DGKI: variants seen among roughly 807,000 people sequenced by gnomAD.
DGKI encodes the protein diacylglycerol kinase iota.
DGKI carries 55 observed loss-of-function variants against 147.5 expected under a neutral mutation model. That is an observed-to-expected ratio of 0.37 (90% CI 0.30 to 0.47). The LOEUF (loss-of-function observed/expected upper bound fraction) is 0.47, where lower values mean the gene tolerates loss of function less well. Among genes scored for constraint, DGKI ranks in the 20% least tolerant of loss-of-function variants. The pLI, the probability that DGKI is intolerant of heterozygous loss-of-function variation, is 1.00. For missense variants in DGKI, 1,007 were observed against 1,323.8 expected, an observed-to-expected ratio of 0.76 and a Z score of 3.71; for synonymous variants, 469 against 477.1, an observed-to-expected ratio of 0.98 and a Z score of 0.22.
intron 1 of DGKI, among the ~76,000 whole-genome samples, chr7:137,724,837 T>C (rs1383045754): frequency 1.3e-5 from 2 of 152,180 alleles, no homozygotes; most frequent in Non-Finnish European, 2.9e-5. Flanking sequence ...ATAAATGGTA[T>C]ATAAAGTTAC....
Position 137,655,485 on chromosome 7 carries a change from A to C in DGKI, c.682-697T>G, listed in dbSNP as rs938480670. Among the ~76,000 whole-genome samples, 3 of 152,150 alleles carry C rather than the reference A, an allele frequency of 2.0e-5. No individual in the cohort carries two copies. The South Asian group carries it at 6.2e-4, about 31-fold the overall frequency. On this transcript the variant is annotated intron_variant, in intron 4 of 32. Coordinates refer to ENST00000614521, the MANE Select transcript of DGKI (RefSeq NM_001321708.2). ...AGTGCTGGGATTACAGGCATGAGCC[A>C]CCACACCCAGCCCAGAGTTATTCTT...
At chr7:137,402,153 T>C (rs1811784005) in intron 30 of DGKI, among the ~76,000 whole-genome samples, 1 of 152,232 alleles carries the variant, frequency 6.6e-6, no homozygotes, top group Non-Finnish European at 1.5e-5. Context: ...TTAGCAGTGA[T>C]TGTTACAGAA....
intron 5 of DGKI, among the ~76,000 whole-genome samples, chr7:137,649,123 T>C (rs954171921): frequency 6.6e-6 from 1 of 152,172 alleles, no homozygotes; most frequent in African/African-American, 2.4e-5. Context: ...AAAGCAAACA[T>C]CCAATATATG....
intron 28 of DGKI, among the ~76,000 whole-genome samples, chr7:137,424,832 G>C (rs934893199): frequency 3.3e-5 from 5 of 152,212 alleles, no homozygotes; most frequent in South Asian, 2.1e-4. Flanking sequence ...AGCGAGACTG[G>C]GGGAGGGGCA....
intron 28 of DGKI, among the ~76,000 whole-genome samples, chr7:137,417,146 C>G (rs1180872596): frequency 6.6e-6 from 1 of 152,132 alleles, no homozygotes; most frequent in Non-Finnish European, 1.5e-5. Flanking sequence ...TTCTTAAGCT[C>G]TGAGCTTGTC....
chr7:137,790,099 C>T (rs1377156001), intron 1 of DGKI, among the ~76,000 whole-genome samples: 1 of 152,142 alleles, frequency 6.6e-6, no homozygotes, highest in Admixed American at 6.5e-5. Context: ...ACAGATAATA[C>T]ATAAATGAAT....
chr7:137,384,453 T>C lies in DGKI; in HGVS notation c.*6767A>G, dbSNP rs372348162. ...ATTATGGAAATCTGAACAATTGATA[T>C]AAAACATCCTTGAAGGCAATGATGG... On this transcript the variant is annotated 3_prime_UTR_variant, in exon 33 of 33. Coordinates refer to ENST00000614521, the MANE Select transcript of DGKI (RefSeq NM_001321708.2). 1 of 151,882 alleles carries C rather than the reference T, an allele frequency of 6.6e-6. No individual in the cohort carries two copies. The highest frequency in any genetic ancestry group is 1.9e-4 in the East Asian group (1 of 5,176). The allele number at this position is 151,882 out of a possible 1,614,324, so 9.4% of individuals were successfully genotyped here.
chr7:137,741,794 A>T (rs1323839404), intron 1 of DGKI, among the ~76,000 whole-genome samples: 1 of 152,214 alleles, frequency 6.6e-6, no homozygotes, highest in Non-Finnish European at 1.5e-5. Context: ...AATGTGCAAC[A>T]GTGGGTGATC....
rs1178195228 is a variant in DGKI at position 137,638,516 on chromosome 7, GTA to G, written c.804+6954_804+6955del. Among the ~76,000 whole-genome samples the G allele has an allele frequency of 5.9e-4, 61 of 104,126 alleles. 2 individuals carry two copies. Among genetic ancestry groups the G allele is most frequent in the African/African-American group, 3.0e-3 (57 of 19,270 alleles). The allele number at this position is 104,126 out of a possible 152,430, so 68.3% of individuals were successfully genotyped here. ...CACATATATATGTATATATATGTGT[GTA>G]TATATATACACACACATATATGTAT... is the stretch of plus-strand genomic sequence containing the variant. On this transcript the variant is annotated intron_variant, in intron 6 of 32. Coordinates refer to ENST00000614521, the MANE Select transcript of DGKI (RefSeq NM_001321708.2).
chr7:137,628,558 A>T (rs1821021973), intron 6 of DGKI, among the ~76,000 whole-genome samples: 1 of 152,160 alleles, frequency 6.6e-6, no homozygotes, highest in Non-Finnish European at 1.5e-5. Context: ...GTTGGCCCAA[A>T]TCTGCTAATA....
At chr7:137,661,665 G>A (rs1205098069) in intron 3 of DGKI, among the ~76,000 whole-genome samples, 1 of 152,056 alleles carries the variant, frequency 6.6e-6, no homozygotes, top group Non-Finnish European at 1.5e-5. Flanking sequence ...TCAAGCAAAG[G>A]GGAAACTGCA....
intron 30 of DGKI, among the ~76,000 whole-genome samples, chr7:137,401,408 G>A (rs181146585): frequency 6.6e-6 from 1 of 152,000 alleles, no homozygotes; most frequent in African/African-American, 2.4e-5. Flanking sequence ...GTACATGCCT[G>A]TAGTCCCAGC....
At chr7:137,616,105 G>T (rs1820522174) in intron 8 of DGKI, among the ~76,000 whole-genome samples, 1 of 152,100 alleles carries the variant, frequency 6.6e-6, no homozygotes, top group Admixed American at 6.6e-5. Flanking sequence ...GAAAGATAGT[G>T]AGGCAGTGTG....
At chr7:137,486,002 C>T (rs939372052) in intron 22 of DGKI, among the ~76,000 whole-genome samples, 1 of 152,114 alleles carries the variant, frequency 6.6e-6, no homozygotes, top group Non-Finnish European at 1.5e-5. Context: ...GAAAGCCTGA[C>T]TCCTTTCATA....
At chr7:137,839,307 C>T (rs1798481760) in intron 1 of DGKI, among the ~76,000 whole-genome samples, 1 of 152,174 alleles carries the variant, frequency 6.6e-6, no homozygotes, top group African/African-American at 2.4e-5. Flanking sequence ...TTAAAGAATG[C>T]CAAAACCTGT....
At position 137,845,617 on chromosome 7, in the gene DGKI, G is replaced by T. The variant is rs1239692675; in HGVS notation, c.401+845C>A. Reference sequence around the variant, plus strand: ...TTATTCTTGCCTGCGGAAGGGAGGGGTGAGAGAGACCTTAATAAATCCTAA... The same window carrying T: ...TTATTCTTGCCTGCGGAAGGGAGGGTTGAGAGAGACCTTAATAAATCCTAA... On this transcript the variant is annotated intron_variant, in intron 1 of 32. Coordinates refer to ENST00000614521, the MANE Select transcript of DGKI (RefSeq NM_001321708.2). Among the ~76,000 whole-genome samples the T allele has an allele frequency of 3.3e-5, 5 of 152,158 alleles. 1 individual carries two copies.
At chr7:137,702,445 A>G (rs1293956918) in intron 1 of DGKI, among the ~76,000 whole-genome samples, 2 of 152,182 alleles carry the variant, frequency 1.3e-5, no homozygotes, top group Non-Finnish European at 2.9e-5. Context: ...CTCCTCCACA[A>G]AAGCAGTAAA....
chr7:137,733,107 T>C (rs767844824), intron 1 of DGKI, among the ~76,000 whole-genome samples: 5 of 152,040 alleles, frequency 3.3e-5, no homozygotes, highest in Non-Finnish European at 5.9e-5. Flanking sequence ...AAATGTATCA[T>C]TTAAACCATT....
chr7:137,469,523 G>C (rs773591770), intron 24 of DGKI, 27 bp downstream of exon 24: 1 of 1,612,022 alleles, frequency 6.2e-7, no homozygotes, highest in Non-Finnish European at 8.5e-7. Context: ...CAACTCCCAC[G>C]ATACCCGCAA....
Sources: gnomAD v4.1 joint callset for allele counts (sites outside exome capture counted in the v4.1 genomes callset) on GRCh38, gnomAD v4.1.1 for gene constraint, MANE v1.5 for transcripts, NCBI Gene and HGNC (gene_info 2026-07-23, HGNC 2026-07-21) for gene names.